The following ADARB2 variants were observed in gnomAD, a reference collection of about 807,000 sequenced individuals.
ADARB2 encodes inactive double-stranded RNA-specific editase B2.
A neutral mutation model predicts 62.2 loss-of-function variants in ADARB2; 25 were observed. That is an observed-to-expected ratio of 0.40 (90% CI 0.29 to 0.56). The LOEUF is 0.56. ADARB2 is among the 20% of genes least tolerant of loss of function. The pLI is 0.43. For synonymous variants in ADARB2, 572 were observed against 500.8 expected (o/e 1.14, Z -1.90); for missense variants, 1,071 against 1,077.4 (o/e 0.99, Z 0.08).
At chr10:1,232,148 ACACACACCACACACATAGCACACACACCG>A (rs1316500753) in intron 6 of ADARB2, among the ~76,000 whole-genome samples, 1 of 151,852 alleles carries the variant, frequency 6.6e-6, no homozygotes, top group East Asian at 1.9e-4. Context: ...CACATACACC[ACACACACCACACACATAGCACACACACCG>A]CACACACACC....
At chr10:1,294,552 G>T (rs112413684) in intron 3 of ADARB2, among the ~76,000 whole-genome samples, 1,549 of 152,264 alleles carry the variant, frequency 0.01, 28 homozygotes, top group African/African-American at 0.034. Context: ...TGATAACCAA[G>T]CAGAGGGTTC....
At chr10:1,314,466 C>T (rs1242004246) in intron 3 of ADARB2, among the ~76,000 whole-genome samples, 1 of 152,024 alleles carries the variant, frequency 6.6e-6, no homozygotes, top group Non-Finnish European at 1.5e-5. Context: ...TCCTCCTCCT[C>T]CTGGTCCACC....
intron 1 of ADARB2, among the ~76,000 whole-genome samples, chr10:1,522,721 A>G (rs1457697068): frequency 6.6e-6 from 1 of 152,158 alleles, no homozygotes; most frequent in Non-Finnish European, 1.5e-5. Context: ...TACGTTAGTT[A>G]TTGAACTCGT....
chr10:1,364,871 A>ATTT (rs35539783), intron 2 of ADARB2, among the ~76,000 whole-genome samples: 1 of 127,342 alleles, frequency 7.9e-6, no homozygotes, highest in African/African-American at 3.0e-5. Context: ...CATTTTGGTA[A>ATTT]TTTTTTTTTT....
chr10:1,452,248 C>A (rs1339786798), intron 1 of ADARB2, among the ~76,000 whole-genome samples: 2 of 152,180 alleles, frequency 1.3e-5, no homozygotes, highest in East Asian at 3.9e-4. Context: ...TGTGAAAGCA[C>A]TGGTCAACTG....
intron 1 of ADARB2, among the ~76,000 whole-genome samples, chr10:1,520,902 G>A (rs980325483): frequency 2.0e-5 from 3 of 152,110 alleles, no homozygotes; most frequent in African/African-American, 4.8e-5. Context: ...GATGGTTCCT[G>A]GACCTTTTTC....
chr10:1,645,253 A>G (rs1049443295), intron 1 of ADARB2, among the ~76,000 whole-genome samples: 1 of 152,212 alleles, frequency 6.6e-6, no homozygotes, highest in Non-Finnish European at 1.5e-5. Context: ...TTACGCATGC[A>G]TGGCTATGGT....
At chr10:1,200,551 A>C (rs955147053) in intron 7 of ADARB2, among the ~76,000 whole-genome samples, 1 of 152,216 alleles carries the variant, frequency 6.6e-6, no homozygotes, top group Non-Finnish European at 1.5e-5. Context: ...AAAAATACTT[A>C]GTACTCCCTT....
chr10:1,191,797 A>G (rs1331862259), intron 8 of ADARB2, among the ~76,000 whole-genome samples: 1 of 152,180 alleles, frequency 6.6e-6, no homozygotes, highest in Non-Finnish European at 1.5e-5. Flanking sequence ...GCCTGATGAG[A>G]TTGTGTGACC....
chr10:1,568,113 G>A (rs978396258), intron 1 of ADARB2, among the ~76,000 whole-genome samples: 5 of 152,234 alleles, frequency 3.3e-5, no homozygotes, highest in Admixed American at 6.5e-5. Context: ...GAGAGACGGC[G>A]CAGTGCAAAC....
intron 1 of ADARB2, among the ~76,000 whole-genome samples, chr10:1,439,394 G>C (rs1281928555): frequency 6.9e-6 from 1 of 145,254 alleles, no homozygotes; most frequent in Non-Finnish European, 1.5e-5. Flanking sequence ...TCACTATGGG[G>C]CTCCTGAGTC....
intron 1 of ADARB2, among the ~76,000 whole-genome samples, chr10:1,703,393 G>A (rs116880079): frequency 0.026 from 3,990 of 152,276 alleles, 78 homozygotes; most frequent in Middle Eastern, 0.058. Flanking sequence ...AGGTGCAAAG[G>A]CTTGGAGCCT....
At chr10:1,536,109 C>T (rs1199876713) in intron 1 of ADARB2, among the ~76,000 whole-genome samples, 1 of 152,168 alleles carries the variant, frequency 6.6e-6, no homozygotes, top group East Asian at 1.9e-4. Context: ...GTGGGTCCAA[C>T]CCTGTGTCGT....
intron 9 of ADARB2, 32 bp downstream of exon 9, chr10:1,184,829 C>G: frequency 1.9e-6 from 3 of 1,600,348 alleles, no homozygotes; most frequent in South Asian, 1.1e-5. Flanking sequence ...CTGGCTGGGT[C>G]CAGTTTCCCT....
intron 1 of ADARB2, among the ~76,000 whole-genome samples, chr10:1,735,098 G>A (rs1265600146): frequency 6.6e-6 from 1 of 152,134 alleles, no homozygotes; most frequent in African/African-American, 2.4e-5. Flanking sequence ...GATAGCTGCC[G>A]GCAGGTGCCC....
chr10:1,394,576 G>T (rs913935633), intron 1 of ADARB2, among the ~76,000 whole-genome samples: 1 of 152,240 alleles, frequency 6.6e-6, no homozygotes, highest in Non-Finnish European at 1.5e-5. Context: ...CCCAGGAGGG[G>T]AGAGGGAGTG....
intron 1 of ADARB2, among the ~76,000 whole-genome samples, chr10:1,711,187 G>A (rs1834945361): frequency 1.3e-5 from 2 of 152,212 alleles, no homozygotes; most frequent in South Asian, 4.1e-4. Flanking sequence ...TCAGGTGTTA[G>A]TCCTTCCTGT....
chr10:1,461,766 G>A (rs1293196118), intron 1 of ADARB2, among the ~76,000 whole-genome samples: 1 of 152,058 alleles, frequency 6.6e-6, no homozygotes, highest in Non-Finnish European at 1.5e-5. Context: ...TTGGGAGGCC[G>A]AGGCGGGCAC....
intron 1 of ADARB2, among the ~76,000 whole-genome samples, chr10:1,586,521 G>A (rs1384053496): frequency 3.3e-5 from 5 of 152,220 alleles, no homozygotes; most frequent in South Asian, 2.1e-4. Flanking sequence ...TCAACATGGT[G>A]CCAAGGTCAG....
Sources: allele counts gnomAD v4.1 joint callset (sites outside exome capture counted in the v4.1 genomes callset), GRCh38; gene constraint gnomAD v4.1.1; transcripts MANE v1.5; gene names NCBI Gene and HGNC (gene_info 2026-07-23, HGNC 2026-07-21).